Variants in GPR180 observed in about 807,000 individuals in gnomAD.
GPR180 encodes G protein-coupled receptor 180.
In GPR180, 53 loss-of-function variants were observed where a neutral mutation model predicts 52.6. The ratio of observed to expected loss-of-function variants is 1.01; its 90% CI spans 0.81 to 1.27. The LOEUF (loss-of-function observed/expected upper bound fraction) is 1.27, where lower values mean the gene tolerates loss of function less well. Ranked by LOEUF, GPR180 falls within the 50% of genes most tolerant of loss-of-function variation. The pLI, the probability that GPR180 is intolerant of heterozygous loss-of-function variation, is 0.00. For missense variants in GPR180, 533 were observed against 527.0 expected, an observed-to-expected ratio of 1.01 and a Z score of -0.11; for synonymous variants, 200 against 193.1, an observed-to-expected ratio of 1.04 and a Z score of -0.30.
At chr13:94,602,220 G>C (rs1889566191) in intron 1 of GPR180, 148 bp downstream of exon 1, 2 of 759,338 alleles carry the variant, frequency 2.6e-6, no homozygotes, top group Non-Finnish European at 3.6e-6. Flanking sequence ...CGTTGCAGCA[G>C]CTGCCGCGAA....
At chr13:94,624,967 C>T (rs1009127502) in intron 7 of GPR180, among the ~76,000 whole-genome samples, 4 of 152,120 alleles carry the variant, frequency 2.6e-5, no homozygotes, top group African/African-American at 9.7e-5. Flanking sequence ...GCATGTGCTA[C>T]CACACCTGGC....
chr13:94,615,615 A>T (rs751071242), intron 3 of GPR180, among the ~76,000 whole-genome samples: 4 of 152,236 alleles, frequency 2.6e-5, no homozygotes, highest in Non-Finnish European at 4.4e-5. Context: ...GTACAATGAA[A>T]TAAAACTGCT....
rs576603394 is a variant in GPR180, at chr13:94,633,836, GT to G, written c.*6672del. On this transcript the variant is annotated 3_prime_UTR_variant, in exon 9 of 9. Coordinates refer to ENST00000376958, the MANE Select transcript of GPR180 (RefSeq NM_180989.6). ...GTGGTTTTATGGTTTTATTTTGTAT[GT>G]TTTTTTCATCCACCTGGAATTTATT... 6.6e-6 allele frequency: 1 copy of G among 150,526 alleles called. No individual in the cohort carries two copies. Among genetic ancestry groups the G allele is most frequent in the Non-Finnish European group, 1.5e-5 (1 of 67,582 alleles). 9.3% of individuals were successfully genotyped at this position (150,526 alleles called of 1,614,324 possible). A position where few individuals can be genotyped will look rare whatever the true frequency, so the allele number is the denominator to read the frequency against.
chr13:94,601,905 TC>T lies in GPR180; in HGVS notation c.-22del. ...CCGCCGGCGGCTGGGAGCCGAGGCG[TC>T]GGTGCAGACCTGGAGACGGGCATGG... On this transcript the variant is annotated 5_prime_UTR_variant, in exon 1 of 9. Coordinates refer to ENST00000376958, the MANE Select transcript of GPR180 (RefSeq NM_180989.6). The T allele has an allele frequency of 7.1e-7, 1 of 1,406,892 alleles. No homozygotes were observed. The highest frequency in any genetic ancestry group is 1.5e-5 in the South Asian group (1 of 65,540). The allele number at this position is 1,406,892 out of a possible 1,614,324, so 87.2% of individuals were successfully genotyped here. A position where few individuals can be genotyped will look rare whatever the true frequency, so the allele number is the denominator to read the frequency against.
rs1889924688 is a variant in GPR180, at chr13:94,626,032, CA to C, written c.1156del (p.Arg386GlufsTer7). 1 of 1,606,792 alleles carries C rather than the reference CA, an allele frequency of 6.2e-7. No homozygotes were observed. Among genetic ancestry groups the C allele is most frequent in the African/African-American group, 1.3e-5 (1 of 74,642 alleles). ...ACISVIFSDY[Q>X]RDKVITIGVI... ...CATTTCTGTCATTTTTAGCGACTAC[CA>C]AAGAGACAAGGTAAGAAATATACAT... On this transcript the variant is annotated frameshift_variant, in exon 8 of 9. Coordinates refer to ENST00000376958, the MANE Select transcript of GPR180 (RefSeq NM_180989.6). LOFTEE classifies it high-confidence loss of function.
chr13:94,619,473 C>G lies in GPR180; in HGVS notation c.692C>G (p.Ser231Cys). 1 of 1,612,936 alleles carries G rather than the reference C, an allele frequency of 6.2e-7. No individual in the cohort carries two copies. Among genetic ancestry groups the G allele is most frequent in the South Asian group, 1.1e-5 (1 of 90,756 alleles). Residue 231 changes from serine (S) to cysteine (C), a missense_variant, in exon 5 of 9, where the codon TCC (serine) becomes TGC (cysteine). Ser to Cys is a moderately radical substitution (Grantham distance 112, BLOSUM62 -1). Transcript: ENST00000376958. ...ACTCTTCTTCAATTCCTCAGTTACT[C>G]CAAAGATGGAATAGGGGTACCATTT... ...LANYIHFSSY[S>C]KDGIGVPFMG... is the part of the protein sequence containing the mutation.
rs146054537 is a variant in GPR180 at position 94,629,503 on chromosome 13, C to T, written c.*2332C>T. 2 of 152,270 alleles carry T rather than the reference C, an allele frequency of 1.3e-5. No homozygotes were observed. Among genetic ancestry groups the T allele is most frequent in the African/African-American group, 4.8e-5 (2 of 41,558 alleles). 9.4% of individuals were successfully genotyped at this position (152,270 alleles called of 1,614,324 possible). On this transcript the variant is annotated 3_prime_UTR_variant, in exon 9 of 9. Coordinates refer to ENST00000376958, the MANE Select transcript of GPR180 (RefSeq NM_180989.6). ...ACTCATCTCTATTGTGATAACCAGGCTCCCATTTAACTGAGTATAAGAGAG... is the reference window on the plus strand; with the variant it reads ...ACTCATCTCTATTGTGATAACCAGGTTCCCATTTAACTGAGTATAAGAGAG...
chr13:94,602,594 G>T (rs1057060134), intron 1 of GPR180, among the ~76,000 whole-genome samples: 1 of 150,432 alleles, frequency 6.6e-6, no homozygotes, highest in Admixed American at 6.6e-5. Context: ...TGAGCAGTTT[G>T]GTTACTTGGC....
intron 2 of GPR180, among the ~76,000 whole-genome samples, chr13:94,606,719 C>G (rs1416968148): frequency 6.6e-6 from 1 of 152,160 alleles, no homozygotes; most frequent in African/African-American, 2.4e-5. Context: ...TGTCTGATTC[C>G]CTCATAAGGC....
At chr13:94,604,755 T>A (rs1566975533) in intron 1 of GPR180, among the ~76,000 whole-genome samples, 1 of 151,852 alleles carries the variant, frequency 6.6e-6, no homozygotes, top group Admixed American at 6.6e-5. Context: ...TTTTTTTTTT[T>A]AAATAGCAAC....
rs1889974162 is a variant in GPR180, at chr13:94,630,035, T to G, written c.*2864T>G. The G allele has an allele frequency of 6.6e-6, 1 of 152,228 alleles. No homozygotes were observed. The highest frequency in any genetic ancestry group is 2.4e-5 in the African/African-American group (1 of 41,456). 9.4% of individuals were successfully genotyped at this position (152,228 alleles called of 1,614,324 possible). A position where few individuals can be genotyped will look rare whatever the true frequency, so the allele number is the denominator to read the frequency against. On this transcript the variant is annotated 3_prime_UTR_variant, in exon 9 of 9. Transcript: ENST00000376958. Reference sequence around the variant, plus strand: ...TGTGGTATCAAATCATTGAGGTTGTTTTTTGTTTGTTTTGAGAATTGATAT... The same window carrying G: ...TGTGGTATCAAATCATTGAGGTTGTGTTTTGTTTGTTTTGAGAATTGATAT...
intron 1 of GPR180, among the ~76,000 whole-genome samples, chr13:94,604,683 C>T (rs574721851): frequency 9.2e-5 from 14 of 152,210 alleles, no homozygotes; most frequent in African/African-American, 2.9e-4. Flanking sequence ...TAAAGCCATC[C>T]TCCCATCTCA....
In GPR180 at chr13:94,630,935, A is replaced by C. The variant is rs1889986734; in HGVS notation, c.*3764A>C. The C allele has an allele frequency of 2.0e-5, 3 of 152,314 alleles. No homozygotes were observed. 9.4% of individuals were successfully genotyped at this position (152,314 alleles called of 1,614,324 possible). ...TACAAGATATAGAAGGCAGAAGTAA[A>C]GTAGCAGCCAGATCTGCATTCTTTT... On this transcript the variant is annotated 3_prime_UTR_variant, in exon 9 of 9. Transcript: ENST00000376958.
chr13:94,614,516 C>T (rs931963331), intron 3 of GPR180, among the ~76,000 whole-genome samples: 4 of 152,180 alleles, frequency 2.6e-5, no homozygotes, highest in African/African-American at 7.2e-5. Context: ...CATTTGTGCC[C>T]TGTGCCATGC....
chr13:94,628,980 A>T lies in GPR180; in HGVS notation c.*1809A>T, dbSNP rs116731685. Reference sequence around the variant, plus strand: ...AGTAACTGCAATTAACATATATGAAATTTATTACTCTGCTTGCATTTATGA... The same window carrying T: ...AGTAACTGCAATTAACATATATGAATTTTATTACTCTGCTTGCATTTATGA... On this transcript the variant is annotated 3_prime_UTR_variant, in exon 9 of 9. Transcript: ENST00000376958. 6.6e-6 allele frequency: 1 copy of T among 152,104 alleles called. No individual in the cohort carries two copies. Among genetic ancestry groups the T allele is most frequent in the Non-Finnish European group, 1.5e-5 (1 of 67,962 alleles). 9.4% of individuals were successfully genotyped at this position (152,104 alleles called of 1,614,324 possible).
chr13:94,608,404 C>T (rs2139564777), intron 2 of GPR180, among the ~76,000 whole-genome samples: 1 of 152,220 alleles, frequency 6.6e-6, no homozygotes, highest in Non-Finnish European at 1.5e-5. Context: ...TTTCCCTGTT[C>T]TGTTAAGTGC....
chr13:94,631,043 C>G lies in GPR180; in HGVS notation c.*3872C>G, dbSNP rs1889988247. 6.6e-6 allele frequency: 1 copy of G among 152,272 alleles called. No individual in the cohort carries two copies. Among genetic ancestry groups the G allele is most frequent in the African/African-American group, 2.4e-5 (1 of 41,462 alleles). 9.4% of individuals were successfully genotyped at this position (152,272 alleles called of 1,614,324 possible). ...CATTATTGCTTATCTGTTGGCTTCT[C>G]TTGGCCTGTGGGACAACAGCCAGGC... On this transcript the variant is annotated 3_prime_UTR_variant, in exon 9 of 9. Transcript: ENST00000376958.
chr13:94,612,425 G>A, intron 3 of GPR180, 35 bp downstream of exon 3: 2 of 1,425,068 alleles, frequency 1.4e-6, no homozygotes, highest in East Asian at 2.3e-5. Context: ...CCTAAATTCA[G>A]GAAAAGATTT....
chr13:94,626,353 A>G (rs1055624521), intron 8 of GPR180, among the ~76,000 whole-genome samples: 1 of 152,294 alleles, frequency 6.6e-6, no homozygotes, highest in South Asian at 2.1e-4. Flanking sequence ...AATTTTTCTT[A>G]CATAATAGCA....
Sources: allele counts gnomAD v4.1 joint callset (sites outside exome capture counted in the v4.1 genomes callset), GRCh38; gene constraint gnomAD v4.1.1; transcripts MANE v1.5; gene names NCBI Gene and HGNC (gene_info 2026-07-23, HGNC 2026-07-21).